FHIT: variants seen among roughly 807,000 people sequenced by gnomAD.
FHIT encodes the protein fragile histidine triad diadenosine triphosphatase.
A neutral mutation model predicts 17.9 loss-of-function variants in FHIT; 19 were observed. That is an observed-to-expected ratio of 1.06 (90% CI 0.74 to 1.56). The LOEUF (loss-of-function observed/expected upper bound fraction) is 1.56. Ranked by LOEUF, FHIT falls within the 40% of genes most tolerant of loss-of-function variation. FHIT has a pLI of 0.00. For synonymous variants in FHIT, 81 were observed against 69.7 expected (o/e 1.16, Z -0.81); for missense variants, 248 against 189.2 (o/e 1.31, Z -1.82).
intron 8 of FHIT, among the ~76,000 whole-genome samples, chr3:59,869,640 C>T (rs1165552008): frequency 1.7e-5 from 2 of 119,830 alleles, no homozygotes; most frequent in African/African-American, 3.7e-5. Context: ...CGCCACCACG[C>T]CCAGCTAATT....
At chr3:60,339,533 C>G (rs17062796) in intron 5 of FHIT, among the ~76,000 whole-genome samples, 8,667 of 152,174 alleles carry the variant, frequency 0.057, 849 homozygotes, top group African/African-American at 0.19. Context: ...AAGTACGTGT[C>G]AGAGGGACGC....
At position 59,876,308 on chromosome 3, in the gene FHIT, T is replaced by G. The variant is rs140808783; in HGVS notation, c.348+46038A>C. 2.8e-3 allele frequency among the ~76,000 whole-genome samples: 421 copies of G among 152,350 alleles called. 1 individual carries two copies. The highest frequency in any genetic ancestry group is 4.4e-3 in the Non-Finnish European group (301 of 68,038). ...GATTATTTTTTCCTAAATGGCAATG[T>G]GAATTTCATGTGGCTTAAAATCTTC... On this transcript the variant is annotated intron_variant, in intron 8 of 9. Transcript: ENST00000492590.
intron 2 of FHIT, among the ~76,000 whole-genome samples, chr3:61,056,366 G>T (rs1420517920): frequency 6.6e-6 from 1 of 152,234 alleles, no homozygotes. Context: ...TGGTTCAATA[G>T]ATCTTTGTCA....
chr3:60,536,242 T>C (rs1183291956), intron 5 of FHIT: 1 of 152,148 alleles, frequency 6.6e-6, no homozygotes, highest in Admixed American at 6.5e-5. Flanking sequence ...AACTCAGTGG[T>C]CAGAGGGAAA....
At chr3:60,787,389 C>T (rs544716678) in intron 4 of FHIT, among the ~76,000 whole-genome samples, 1 of 152,298 alleles carries the variant, frequency 6.6e-6, no homozygotes, top group South Asian at 2.1e-4. Flanking sequence ...TCATCCTGGG[C>T]TGGATACTCT....
chr3:59,974,685 A>C (rs1708333714), intron 7 of FHIT, among the ~76,000 whole-genome samples: 1 of 152,160 alleles, frequency 6.6e-6, no homozygotes, highest in Non-Finnish European at 1.5e-5. Context: ...TGCTGTGTGC[A>C]CAGCAGCCAA....
At chr3:61,209,384 T>A (rs1052979825) in intron 1 of FHIT, among the ~76,000 whole-genome samples, 1 of 152,230 alleles carries the variant, frequency 6.6e-6, no homozygotes, top group Non-Finnish European at 1.5e-5. Flanking sequence ...ATTGGGGAAG[T>A]TCTCCTGAAT....
intron 4 of FHIT, among the ~76,000 whole-genome samples, chr3:60,804,223 A>T (rs1701302234): frequency 6.6e-6 from 1 of 152,234 alleles, no homozygotes; most frequent in South Asian, 2.1e-4. Context: ...CTTGCTGAAA[A>T]GTGATCAAGG....
intron 4 of FHIT, among the ~76,000 whole-genome samples, chr3:60,542,722 T>A (rs2036224625): frequency 6.6e-6 from 1 of 152,144 alleles, no homozygotes; most frequent in South Asian, 2.1e-4. Context: ...TTCTCTATCG[T>A]TCCCTCCATT....
At chr3:60,338,283 T>C (rs1710341294) in intron 5 of FHIT, among the ~76,000 whole-genome samples, 1 of 152,234 alleles carries the variant, frequency 6.6e-6, no homozygotes, top group African/African-American at 2.4e-5. Flanking sequence ...TGATAAAGCA[T>C]ATATACCTGA....
intron 4 of FHIT, among the ~76,000 whole-genome samples, chr3:60,556,173 G>A (rs778742222): frequency 6.6e-5 from 10 of 152,082 alleles, no homozygotes; most frequent in Admixed American, 3.9e-4. Context: ...TGGGTGATCC[G>A]TCTATATACA....
intron 8 of FHIT, among the ~76,000 whole-genome samples, chr3:59,917,520 C>T (rs1330571074): frequency 6.6e-6 from 1 of 152,190 alleles, no homozygotes; most frequent in Admixed American, 6.5e-5. Flanking sequence ...TTACCATAAT[C>T]TTCATCAACT....
chr3:60,054,980 G>C (rs111738608), intron 5 of FHIT, among the ~76,000 whole-genome samples: 2,305 of 152,194 alleles, frequency 0.015, 28 homozygotes, highest in Non-Finnish European at 0.022. Flanking sequence ...CCACTGATCT[G>C]TGTGTGGGTT....
At chr3:60,710,794 C>A (rs950085127) in intron 4 of FHIT, among the ~76,000 whole-genome samples, 2 of 152,192 alleles carry the variant, frequency 1.3e-5, no homozygotes, top group African/African-American at 4.8e-5. Context: ...TGGAGCCCAT[C>A]ACAGATCAAG....
At chr3:60,147,607 AT>A (rs1700295597) in intron 5 of FHIT, among the ~76,000 whole-genome samples, 1 of 152,172 alleles carries the variant, frequency 6.6e-6, no homozygotes, top group Admixed American at 6.5e-5. Flanking sequence ...TTTGAATCCT[AT>A]TTGTTTATAC....
At chr3:60,730,304 T>C (rs2363681) in intron 4 of FHIT, 159,813 of 259,012 alleles carry the variant, frequency 0.62, 49,740 homozygotes, top group East Asian at 0.81. Flanking sequence ...ATGTCTTCTC[T>C]TTTTGTAGCC....
At chr3:60,163,835 A>C (rs1464394517) in intron 5 of FHIT, among the ~76,000 whole-genome samples, 1 of 152,140 alleles carries the variant, frequency 6.6e-6, no homozygotes, top group East Asian at 1.9e-4. Flanking sequence ...AGAGGACAAA[A>C]TCACTCCTAG....
intron 3 of FHIT, among the ~76,000 whole-genome samples, chr3:60,916,016 C>T (rs1309877752): frequency 6.6e-6 from 1 of 152,102 alleles, no homozygotes; most frequent in Non-Finnish European, 1.5e-5. Flanking sequence ...TCCATGACTA[C>T]AAATAATGGC....
chr3:61,052,777 A>T (rs1419179666), intron 2 of FHIT, among the ~76,000 whole-genome samples: 1 of 152,194 alleles, frequency 6.6e-6, no homozygotes, highest in Admixed American at 6.5e-5. Context: ...TAGAATGAAC[A>T]CATTTATAAT....
Sources: gnomAD v4.1 joint callset for allele counts (sites outside exome capture counted in the v4.1 genomes callset) on GRCh38, gnomAD v4.1.1 for gene constraint, MANE v1.5 for transcripts, NCBI Gene and HGNC (gene_info 2026-07-23, HGNC 2026-07-21) for gene names.